The following KIAA1217 variants were observed in gnomAD, a reference collection of about 807,000 sequenced individuals.
KIAA1217 encodes KIAA1217, also known as sickle tail protein homolog.
A neutral mutation model predicts 163.9 loss-of-function variants in KIAA1217; 88 were observed. The observed-to-expected ratio is 0.54, with a 90% CI of 0.45 to 0.64. KIAA1217 has a LOEUF of 0.64. Among genes scored for constraint, KIAA1217 ranks in the 30% least tolerant of loss-of-function variants. The pLI is 0.00. For synonymous variants in KIAA1217, 903 were observed against 923.1 expected (o/e 0.98, Z 0.39); for missense variants, 2,372 against 2,475.0 (o/e 0.96, Z 0.88).
At chr10:24,505,914 A>G (rs1172067840) in intron 9 of KIAA1217, among the ~76,000 whole-genome samples, 1 of 152,144 alleles carries the variant, frequency 6.6e-6, no homozygotes, top group East Asian at 1.9e-4. Flanking sequence ...GGTCTCATTT[A>G]TCTTCTGACA....
intron 5 of KIAA1217, among the ~76,000 whole-genome samples, chr10:24,445,548 A>G (rs1401323440): frequency 1.9e-5 from 2 of 103,492 alleles, no homozygotes; most frequent in African/African-American, 7.8e-5. Context: ...ACCCCACAAC[A>G]GTCCCTGGTG....
rs552807975 is a variant in KIAA1217 at position 24,062,798 on chromosome 10, C to T, written c.-171+55424C>T. ...TATTTCTCCACATCCTCTCCAGCACCTGTTGTTTCCTGACTTTTTAATGAT... is the reference window on the plus strand; with the variant it reads ...TATTTCTCCACATCCTCTCCAGCACTTGTTGTTTCCTGACTTTTTAATGAT... On this transcript the variant is annotated intron_variant, in intron 2 of 18. Transcript: ENST00000376462. Among the ~76,000 whole-genome samples the T allele has an allele frequency of 7.2e-5, 11 of 152,248 alleles. No homozygotes were observed. In the South Asian group the frequency reaches 2.3e-3, roughly 32 times the overall value.
At chr10:24,269,427 G>A (rs2076567434) in intron 2 of KIAA1217, among the ~76,000 whole-genome samples, 1 of 152,112 alleles carries the variant, frequency 6.6e-6, no homozygotes, top group African/African-American at 2.4e-5. Flanking sequence ...GGGAGGCTGA[G>A]GTGGAAGGAT....
chr10:24,190,258 C>A (rs573538981), intron 2 of KIAA1217, among the ~76,000 whole-genome samples: 157 of 152,158 alleles, frequency 1.0e-3, no homozygotes, highest in African/African-American at 3.6e-3. Context: ...AACAGAAAGA[C>A]TGGGGAAAGT....
chr10:24,008,521 A>G (rs1231347739), intron 2 of KIAA1217, among the ~76,000 whole-genome samples: 2 of 152,086 alleles, frequency 1.3e-5, no homozygotes, highest in Non-Finnish European at 2.9e-5. Context: ...TTGGTAGAAA[A>G]CCACCAGATG....
intron 14 of KIAA1217, among the ~76,000 whole-genome samples, chr10:24,528,692 T>C (rs1413688345): frequency 6.6e-6 from 1 of 152,182 alleles, no homozygotes; most frequent in African/African-American, 2.4e-5. Flanking sequence ...TCTAGAATAA[T>C]GGCCAATAAA....
rs12260263 is a variant in KIAA1217, at chr10:24,455,518, T to C, written c.846+17039T>C. 9.4e-3 allele frequency among the ~76,000 whole-genome samples: 1,429 copies of C among 152,326 alleles called. 19 individuals carry two copies. Among genetic ancestry groups the C allele is most frequent in the Middle Eastern group, 0.054 (16 of 294 alleles). On this transcript the variant is annotated intron_variant, in intron 5 of 20. Transcript: ENST00000376454. ...AGCACCCAGTTCCCTGTTTTTGATA[T>C]AAATGTAGGACAGGACTAGAATGGA...
chr10:24,425,539 A>T (rs929451284), intron 3 of KIAA1217, among the ~76,000 whole-genome samples: 1 of 152,254 alleles, frequency 6.6e-6, no homozygotes, highest in Non-Finnish European at 1.5e-5. Context: ...TTGTCATTTA[A>T]TAAAATACAG....
At chr10:23,981,783 T>C (rs1223666059) in intron 1 of KIAA1217, among the ~76,000 whole-genome samples, 1 of 152,126 alleles carries the variant, frequency 6.6e-6, no homozygotes, top group Non-Finnish European at 1.5e-5. Context: ...GCCTCCACTT[T>C]TCACTATTAT....
intron 3 of KIAA1217, among the ~76,000 whole-genome samples, chr10:24,418,196 A>G (rs1321805369): frequency 1.3e-5 from 2 of 151,904 alleles, no homozygotes; most frequent in African/African-American, 4.8e-5. Flanking sequence ...GCTTCAAACG[A>G]TCCTCCTCCC....
chr10:23,790,321 A>ATATG lies in KIAA1217; in HGVS notation c.-321+95087_-321+95088insTATG, dbSNP rs1238203539. Among the ~76,000 whole-genome samples the ATATG allele has an allele frequency of 4.2e-4, 5 of 11,930 alleles. 2 individuals are homozygous for ATATG. Among genetic ancestry groups the ATATG allele is most frequent in the Admixed American group, 1.1e-3 (1 of 934 alleles). 7.8% of individuals were successfully genotyped at this position (11,930 alleles called of 152,430 possible). A position where few individuals can be genotyped will look rare whatever the true frequency, so the allele number is the denominator to read the frequency against. On this transcript the variant is annotated intron_variant, in intron 1 of 18. Transcript: ENST00000376462. The stretch of plus-strand genomic sequence containing the variant: ...TGCACATATGCATATATACATATGC[A>ATATG]CATATGCATATATGCATATATACAT...
At chr10:24,117,845 G>A (rs1038430197) in intron 2 of KIAA1217, among the ~76,000 whole-genome samples, 4 of 152,098 alleles carry the variant, frequency 2.6e-5, no homozygotes, top group Admixed American at 1.3e-4. Context: ...GCTGAAAAGT[G>A]TACTTTCATA....
chr10:24,238,944 A>G (rs996107212), intron 2 of KIAA1217, among the ~76,000 whole-genome samples: 2 of 152,226 alleles, frequency 1.3e-5, no homozygotes, highest in African/African-American at 4.8e-5. Context: ...AGCACAAATT[A>G]TACTGTGCAG....
intron 2 of KIAA1217, among the ~76,000 whole-genome samples, chr10:24,173,987 C>G (rs1412654698): frequency 6.6e-6 from 1 of 152,178 alleles, no homozygotes; most frequent in Non-Finnish European, 1.5e-5. Context: ...GAACATGTGC[C>G]TTGTGACACC....
chr10:24,194,261 A>G (rs1232989421), intron 2 of KIAA1217, among the ~76,000 whole-genome samples: 2 of 145,110 alleles, frequency 1.4e-5, no homozygotes, highest in African/African-American at 5.2e-5. Flanking sequence ...TTTCCCACCA[A>G]TCTTGGCCTT....
chr10:24,238,339 T>A (rs2076555351), intron 2 of KIAA1217, among the ~76,000 whole-genome samples: 1 of 152,168 alleles, frequency 6.6e-6, no homozygotes, highest in South Asian at 2.1e-4. Context: ...AATTTTCTGG[T>A]GCCTAGTGGT....
chr10:24,043,784 A>G (rs1165223701), intron 2 of KIAA1217, among the ~76,000 whole-genome samples: 2 of 152,170 alleles, frequency 1.3e-5, no homozygotes, highest in Non-Finnish European at 2.9e-5. Flanking sequence ...AAACAATCCG[A>G]GGCTCGGTGC....
intron 2 of KIAA1217, among the ~76,000 whole-genome samples, chr10:24,272,749 C>T (rs1348549611): frequency 6.6e-6 from 1 of 152,226 alleles, no homozygotes; most frequent in Non-Finnish European, 1.5e-5. Context: ...TTCACGTGCT[C>T]TTCAATGATC....
intron 3 of KIAA1217, among the ~76,000 whole-genome samples, chr10:24,406,392 A>AACACACACACACAAACACACAC (rs148629150): frequency 7.5e-6 from 1 of 133,808 alleles, no homozygotes; most frequent in African/African-American, 3.4e-5. Context: ...TTCACACACA[A>AACACACACACACAAACACACAC]ACACACACAC....
Sources: gnomAD v4.1 joint callset for allele counts (sites outside exome capture counted in the v4.1 genomes callset) on GRCh38, gnomAD v4.1.1 for gene constraint, MANE v1.5 for transcripts, NCBI Gene and HGNC (gene_info 2026-07-23, HGNC 2026-07-21) for gene names.